Variants in ADCY7 observed in about 807,000 individuals in gnomAD.
ADCY7 encodes the protein adenylate cyclase type 7.
In ADCY7, 72 loss-of-function variants were observed where a neutral mutation model predicts 120.6. The observed-to-expected ratio is 0.60, with a 90% CI of 0.49 to 0.73. ADCY7 has a LOEUF of 0.73. Among genes scored for constraint, ADCY7 ranks in the 30% least tolerant of loss-of-function variants. The probability of loss-of-function intolerance (pLI) is 0.00; values close to 1 mark genes in which losing one functional copy is unlikely to be tolerated. For missense variants in ADCY7, 1,227 were observed against 1,486.0 expected (o/e 0.83, Z 2.87); for synonymous variants, 661 against 628.0 (o/e 1.05, Z -0.78).
chr16:50,251,958 C>T (rs760969137), intron 1 of ADCY7, among the ~76,000 whole-genome samples: 9 of 152,180 alleles, frequency 5.9e-5, no homozygotes, highest in East Asian at 1.9e-4. Flanking sequence ...GGGCTTCAGG[C>T]GAGGAGGAAG....
chr16:50,250,997 G>A (rs1448826793), intron 1 of ADCY7, among the ~76,000 whole-genome samples: 2 of 152,144 alleles, frequency 1.3e-5, no homozygotes, highest in Non-Finnish European at 2.9e-5. Context: ...CACTTTGGGA[G>A]GCCAAGGTAG....
rs749220247 is a variant in ADCY7 at position 50,315,093 on chromosome 16, T to C, written c.3051T>C (p.Asn1017=). The change falls in exon 25 of 26, where the codon AAT becomes AAC. Residue 1017 remains asparagine, a synonymous_variant. Transcript: ENST00000673801. ...ATGACATCTGGGGAAACACTGTCAA[T>C]GTGGCCAGCCGAATGGAAAGCACTG... ...PQYDIWGNTV[N]VASRMESTGE... The C allele has an allele frequency of 2.5e-6, 4 of 1,614,180 alleles. No homozygotes were observed. The highest frequency in any genetic ancestry group is 2.2e-5 in the East Asian group (1 of 44,880).
intron 2 of ADCY7, among the ~76,000 whole-genome samples, chr16:50,288,781 GCT>G (rs1271105641): frequency 2.6e-5 from 4 of 152,076 alleles, no homozygotes; most frequent in Non-Finnish European, 5.9e-5. Flanking sequence ...CCCGGCCAAT[GCT>G]CTGTCTTTTA....
rs1187498432 is a variant in ADCY7, at chr16:50,294,666, T to C, written c.863T>C (p.Phe288Ser). The C allele has an allele frequency of 6.2e-7, 1 of 1,612,834 alleles. No individual in the cohort carries two copies. The highest frequency in any genetic ancestry group is 8.5e-7 in the Non-Finnish European group (1 of 1,179,452). Reference protein sequence around the residue: ...VSILYADIVGFTQLASDCSPK... With the variant: ...VSILYADIVGSTQLASDCSPK... ...ATCCTCTATGCGGACATCGTGGGCT[T>C]CACGCAGCTGGCCAGCGACTGTTCT... is the stretch of plus-strand genomic sequence containing the variant. Residue 288 changes from phenylalanine to serine, a missense_variant, in exon 7 of 26, where the codon TTC (phenylalanine) becomes TCC (serine). By Grantham distance (155) the Phe-to-Ser change is radical (BLOSUM62 -2). Coordinates refer to ENST00000673801, the MANE Select transcript of ADCY7 (RefSeq NM_001114.5).
upstream of ADCY7, among the ~76,000 whole-genome samples, chr16:50,264,610 T>C (rs1326817479): frequency 6.6e-6 from 1 of 152,182 alleles, no homozygotes; most frequent in Non-Finnish European, 1.5e-5. Flanking sequence ...GAGCTGCTTC[T>C]CCTCCTTGTC....
At chr16:50,268,218 C>A (rs1168721596) in intron 1 of ADCY7, among the ~76,000 whole-genome samples, 1 of 152,130 alleles carries the variant, frequency 6.6e-6, no homozygotes, top group East Asian at 1.9e-4. Context: ...CCTCCCTCAG[C>A]CTCCTGAGTA....
At position 50,311,626 on chromosome 16, in the gene ADCY7, G is replaced by A. The variant is rs1399322934; in HGVS notation, c.2355-67G>A. 7 of 1,156,374 alleles carry A rather than the reference G, an allele frequency of 6.1e-6. No homozygotes were observed. In the South Asian group the frequency reaches 7.4e-5, roughly 12 times the overall value. 71.6% of individuals were successfully genotyped at this position (1,156,374 alleles called of 1,614,324 possible). On this transcript the variant is annotated intron_variant, in intron 19 of 25. Coordinates refer to ENST00000673801, the MANE Select transcript of ADCY7 (RefSeq NM_001114.5). ...TTCCCCTGGGTGTGCGTGGCACCTG[G>A]AGAGCATGACTCAGTGGGTTGGAGT...
chr16:50,301,018 ATCCCT>A, intron 9 of ADCY7, 59 bp from the exon 10 acceptor site: 1 of 1,584,878 alleles, frequency 6.3e-7, no homozygotes, highest in Non-Finnish European at 8.6e-7. Context: ...CCTGCTGTGC[ATCCCT>A]GGGTGGATGC....
At chr16:50,277,121 C>T (rs16948356) in intron 1 of ADCY7, among the ~76,000 whole-genome samples, 5,319 of 152,216 alleles carry the variant, frequency 0.035, 311 homozygotes, top group African/African-American at 0.12. Context: ...TACCCTGTGA[C>T]GTTAGTTTCA....
At chr16:50,311,576 A>AC in intron 19 of ADCY7, 117 bp from the exon 20 acceptor site, 1 of 569,310 alleles carries the variant, frequency 1.8e-6, no homozygotes, top group East Asian at 3.3e-5. Flanking sequence ...TTTTCTACCC[A>AC]CCCCATTAGA....
intron 1 of ADCY7, among the ~76,000 whole-genome samples, chr16:50,250,177 C>T (rs570819303): frequency 5.3e-5 from 8 of 152,170 alleles, no homozygotes; most frequent in East Asian, 1.9e-4. Context: ...ATGAATTGGC[C>T]GGGTGGGGTG....
chr16:50,296,634 G>A (rs1297005093), intron 7 of ADCY7, among the ~76,000 whole-genome samples: 1 of 152,104 alleles, frequency 6.6e-6, no homozygotes, highest in Non-Finnish European at 1.5e-5. Context: ...GGGATTACAG[G>A]TGTGAGCCAC....
At chr16:50,267,151 T>C (rs2033267076) in intron 1 of ADCY7, among the ~76,000 whole-genome samples, 1 of 152,250 alleles carries the variant, frequency 6.6e-6, no homozygotes, top group Non-Finnish European at 1.5e-5. Context: ...AGTGCATGCC[T>C]GAGGGTCAGG....
At chr16:50,310,604 T>TG (rs2151082319) in intron 18 of ADCY7, 83 bp from the exon 19 acceptor site, 2 of 1,599,588 alleles carry the variant, frequency 1.3e-6, no homozygotes, top group East Asian at 4.5e-5. Context: ...GTGCAGGGAG[T>TG]GGGGCTCTGT....
intron 17 of ADCY7, chr16:50,309,306 CT>C: frequency 2.0e-6 from 1 of 496,896 alleles, no homozygotes; most frequent in Non-Finnish European, 3.6e-6. Context: ...GTCCCGGCCC[CT>C]CCCCCTGGCT....
intron 1 of ADCY7, among the ~76,000 whole-genome samples, chr16:50,252,907 A>G (rs2032801320): frequency 1.3e-5 from 2 of 152,252 alleles, no homozygotes; most frequent in African/African-American, 2.4e-5. Flanking sequence ...CCATTAACAT[A>G]TTGGTGTATA....
intron 18 of ADCY7, chr16:50,310,484 G>C: frequency 6.5e-7 from 1 of 1,536,622 alleles, no homozygotes; most frequent in Non-Finnish European, 8.7e-7. Flanking sequence ...CCGTTTAAAT[G>C]AGCTCACTTC....
At chr16:50,313,922 G>A in intron 22 of ADCY7, 36 bp from the exon 23 acceptor site, 1 of 1,571,380 alleles carries the variant, frequency 6.4e-7, no homozygotes, top group Non-Finnish European at 8.7e-7. Context: ...CGGCTATGGA[G>A]TGGCGGCTGC....
chr16:50,301,358 T>A, intron 10 of ADCY7, 144 bp downstream of exon 10: 2 of 1,123,906 alleles, frequency 1.8e-6, no homozygotes, highest in Non-Finnish European at 2.5e-6. Flanking sequence ...GAGCTCCCTG[T>A]TCCCAGGCAC....
Sources: allele counts gnomAD v4.1 joint callset (sites outside exome capture counted in the v4.1 genomes callset), GRCh38; gene constraint gnomAD v4.1.1; transcripts MANE v1.5; gene names NCBI Gene and HGNC (gene_info 2026-07-23, HGNC 2026-07-21).